The following SPOP variants were observed in gnomAD, a reference collection of about 807,000 sequenced individuals.
The protein encoded by SPOP is speckle-type POZ protein.
A neutral mutation model predicts 45.6 loss-of-function variants in SPOP; 11 were observed. The ratio of observed to expected loss-of-function variants is 0.24; its 90% CI spans 0.15 to 0.40. The LOEUF is 0.40. Ranked by LOEUF, SPOP falls within the 10% of genes least tolerant of loss-of-function variation. The probability of loss-of-function intolerance (pLI) is 1.00; values close to 1 mark genes in which losing one functional copy is unlikely to be tolerated. For missense variants in SPOP, 152 were observed against 465.6 expected (o/e 0.33, Z 6.20); for synonymous variants, 166 against 166.3 (o/e 1.00, Z 0.01).
rs1023011054 is a variant in SPOP at position 49,618,853 on chromosome 17, T to C, written c.480+128A>G. ...CAGGTAGCTCAATCAGTCACATAAA[T>C]AACATTTGTGCAGCACTACTCCACT... is the stretch of plus-strand genomic sequence containing the variant. On this transcript the variant is annotated intron_variant, in intron 5 of 9. Transcript: ENST00000504102. 1.6e-5 allele frequency: 18 copies of C among 1,157,704 alleles called. No homozygotes were observed. In the East Asian group the frequency reaches 4.2e-4, roughly 27 times the overall value. The allele number at this position is 1,157,704 out of a possible 1,614,324, so 71.7% of individuals were successfully genotyped here. A position where few individuals can be genotyped will look rare whatever the true frequency, so the allele number is the denominator to read the frequency against.
At chr17:49,604,461 C>G (rs574746143) in intron 8 of SPOP, among the ~76,000 whole-genome samples, 2 of 152,308 alleles carry the variant, frequency 1.3e-5, no homozygotes, top group East Asian at 3.9e-4. Context: ...CCACTATAAA[C>G]ACAGGCACTT....
At chr17:49,601,701 A>G (rs896104275) in intron 9 of SPOP, 164 bp downstream of exon 9, 3 of 804,156 alleles carry the variant, frequency 3.7e-6, no homozygotes, top group Non-Finnish European at 3.8e-6. Flanking sequence ...CAACCCATGA[A>G]GTCAATTCCA....
chr17:49,630,267 G>GT (rs1214166146), intron 1 of SPOP, among the ~76,000 whole-genome samples: 4 of 152,168 alleles, frequency 2.6e-5, no homozygotes, highest in African/African-American at 9.7e-5. Context: ...GGAGCCTTTT[G>GT]TTTTTTCTGT....
intron 3 of SPOP, among the ~76,000 whole-genome samples, chr17:49,620,390 C>T (rs1006192528): frequency 6.6e-6 from 1 of 151,176 alleles, no homozygotes; most frequent in African/African-American, 2.4e-5. Context: ...ATCACTTTAA[C>T]CCAGGAGGCA....
At chr17:49,624,321 G>GCACGCGGGAACACACACACA (rs1567781281) in intron 1 of SPOP, among the ~76,000 whole-genome samples, 2 of 90,160 alleles carry the variant, frequency 2.2e-5, no homozygotes, top group African/African-American at 8.9e-5. Flanking sequence ...ACACACACAC[G>GCACGCGGGAACACACACACA]CGCGCGCGCG....
intron 1 of SPOP, among the ~76,000 whole-genome samples, chr17:49,673,231 C>A (rs1169923779): frequency 6.6e-6 from 1 of 151,952 alleles, no homozygotes. Context: ...CACGGCTGGG[C>A]ACGGTGGCTC....
chr17:49,612,078 T>G (rs910092372), intron 5 of SPOP, among the ~76,000 whole-genome samples: 7 of 152,122 alleles, frequency 4.6e-5, no homozygotes, highest in Admixed American at 1.3e-4. Flanking sequence ...AGACAAGGTC[T>G]CACTATGTTG....
At chr17:49,652,187 G>T (rs2072852035) in intron 1 of SPOP, among the ~76,000 whole-genome samples, 1 of 151,988 alleles carries the variant, frequency 6.6e-6, no homozygotes, top group Non-Finnish European at 1.5e-5. Context: ...TTGGATTAGG[G>T]GTGTAAATAT....
chr17:49,668,774 T>C (rs566238181), intron 1 of SPOP, among the ~76,000 whole-genome samples: 29 of 149,150 alleles, frequency 1.9e-4, no homozygotes, highest in Admixed American at 1.6e-3. Flanking sequence ...TATATACATA[T>C]CTTTTTTTTT....
chr17:49,631,916 AC>A (rs1414170785), intron 1 of SPOP, among the ~76,000 whole-genome samples: 1 of 151,898 alleles, frequency 6.6e-6, no homozygotes, highest in East Asian at 1.9e-4. Context: ...TCATCACATT[AC>A]CCTATTTTAT....
chr17:49,630,610 T>TCTTTC (rs2072433470), intron 1 of SPOP, among the ~76,000 whole-genome samples: 1 of 151,946 alleles, frequency 6.6e-6, no homozygotes, highest in East Asian at 1.9e-4. Context: ...TTGTTTTCTT[T>TCTTTC]AAATTTTTTT....
chr17:49,640,988 C>T (rs2072635753), intron 1 of SPOP, among the ~76,000 whole-genome samples: 1 of 152,174 alleles, frequency 6.6e-6, no homozygotes. Flanking sequence ...CCTGGCTGAG[C>T]GTGGTGGCTC....
chr17:49,643,685 C>T (rs191380356), intron 1 of SPOP, among the ~76,000 whole-genome samples: 84 of 152,226 alleles, frequency 5.5e-4, no homozygotes, highest in African/African-American at 1.9e-3. Flanking sequence ...AATCCCAGCA[C>T]TTTGGGAGGC....
Position 49,622,835 on chromosome 17 carries a change from T to C in SPOP, c.-25A>G, listed in dbSNP as rs1283063006. ...TCGCCAGTTTGAAGGTTAAACGAGA[T>C]TTCCAAAGTCAGGGGGCAAAGATTT... On this transcript the variant is annotated 5_prime_UTR_variant, in exon 2 of 10. Transcript: ENST00000504102. 2.5e-6 allele frequency: 4 copies of C among 1,606,290 alleles called. No homozygotes were observed. The highest frequency in any genetic ancestry group is 1.3e-5 in the African/African-American group (1 of 74,864).
intron 8 of SPOP, among the ~76,000 whole-genome samples, chr17:49,606,820 T>C (rs574213555): frequency 6.6e-6 from 1 of 152,292 alleles, no homozygotes; most frequent in South Asian, 2.1e-4. Flanking sequence ...TCTCAAATAT[T>C]TGTGATCTGA....
intron 8 of SPOP, among the ~76,000 whole-genome samples, chr17:49,603,954 G>T (rs1019875434): frequency 2.6e-5 from 4 of 152,132 alleles, no homozygotes; most frequent in East Asian, 1.9e-4. Context: ...TTCTGGCTAG[G>T]GAGCAAGAAT....
intron 1 of SPOP, among the ~76,000 whole-genome samples, chr17:49,644,222 T>C (rs889797118): frequency 3.9e-5 from 6 of 152,016 alleles, no homozygotes; most frequent in African/African-American, 1.2e-4. Context: ...TAAATTAAAA[T>C]AAAATGCGAA....
At chr17:49,644,590 T>C (rs2072719526) in intron 1 of SPOP, among the ~76,000 whole-genome samples, 1 of 152,130 alleles carries the variant, frequency 6.6e-6, no homozygotes, top group Non-Finnish European at 1.5e-5. Flanking sequence ...AAAGGGATTG[T>C]GGAAAAACTG....
intron 1 of SPOP, among the ~76,000 whole-genome samples, chr17:49,665,136 T>C (rs1230061): frequency 0.077 from 11,683 of 152,180 alleles, 540 homozygotes; most frequent in East Asian, 0.22. Context: ...AAGGTTCCCT[T>C]CCATTTGAAG....
Sources: gnomAD v4.1 joint callset for allele counts (sites outside exome capture counted in the v4.1 genomes callset) on GRCh38, gnomAD v4.1.1 for gene constraint, MANE v1.5 for transcripts, NCBI Gene and HGNC (gene_info 2026-07-23, HGNC 2026-07-21) for gene names.